ATG7: variants seen among roughly 807,000 people sequenced by gnomAD.
ATG7 encodes the protein ubiquitin-like modifier-activating enzyme ATG7.
Under a neutral mutation model 82.4 loss-of-function variants are expected in ATG7, and 70 were observed. The ratio of observed to expected loss-of-function variants is 0.85; its 90% CI spans 0.70 to 1.04. The LOEUF is 1.04. ATG7 is among the 50% of genes least tolerant of loss of function. ATG7 has a pLI of 0.00. For synonymous variants in ATG7, 287 were observed against 313.0 expected, an observed-to-expected ratio of 0.92 and a Z score of 0.88; for missense variants, 792 against 864.3, an observed-to-expected ratio of 0.92 and a Z score of 1.05.
At chr3:11,398,085 A>C (rs1338778640) in intron 19 of ATG7, among the ~76,000 whole-genome samples, 1 of 121,240 alleles carries the variant, frequency 8.2e-6, no homozygotes, top group Non-Finnish European at 1.6e-5. Context: ...CTCTGTCTCC[A>C]AAAAAAAAAA....
At chr3:11,445,312 T>C (rs1048465907) in intron 20 of ATG7, among the ~76,000 whole-genome samples, 1 of 152,162 alleles carries the variant, frequency 6.6e-6, no homozygotes, top group Non-Finnish European at 1.5e-5. Context: ...TAAATGCCCA[T>C]CAGTGGTAGA....
intron 3 of ATG7, among the ~76,000 whole-genome samples, chr3:11,288,141 C>G (rs1454680845): frequency 6.6e-6 from 1 of 152,222 alleles, no homozygotes; most frequent in African/African-American, 2.4e-5. Context: ...CTGCCTGATA[C>G]AGCAATCCTT....
intron 3 of ATG7, among the ~76,000 whole-genome samples, chr3:11,293,855 G>GAA (rs58019345): frequency 1.5e-5 from 2 of 132,568 alleles, no homozygotes; most frequent in East Asian, 2.2e-4. Flanking sequence ...CGTATCGAGA[G>GAA]AAAAAAAAAA....
intron 19 of ATG7, among the ~76,000 whole-genome samples, chr3:11,420,380 A>T (rs1321889293): frequency 6.6e-6 from 1 of 151,960 alleles, no homozygotes; most frequent in African/African-American, 2.4e-5. Context: ...CCTTGCTGTT[A>T]GTTTTTCCGT....
At chr3:11,352,042 C>T (rs2075594163) in intron 14 of ATG7, among the ~76,000 whole-genome samples, 1 of 149,460 alleles carries the variant, frequency 6.7e-6, no homozygotes, top group Non-Finnish European at 1.5e-5. Flanking sequence ...TGATGTTCCC[C>T]ATCCTGTGTC....
chr3:11,539,164 T>G (rs1265982822), intron 20 of ATG7, among the ~76,000 whole-genome samples: 1 of 152,162 alleles, frequency 6.6e-6, no homozygotes, highest in African/African-American at 2.4e-5. Flanking sequence ...ACAGATGATG[T>G]GTACCCTGCA....
intron 19 of ATG7, among the ~76,000 whole-genome samples, chr3:11,391,960 G>GT (rs1009375782): frequency 7.9e-5 from 11 of 139,338 alleles, no homozygotes; most frequent in Non-Finnish European, 1.2e-4. Context: ...GTACTTATTG[G>GT]GGGGGGGGTA....
At chr3:11,527,513 T>G (rs1377033688) in intron 20 of ATG7, among the ~76,000 whole-genome samples, 2 of 152,178 alleles carry the variant, frequency 1.3e-5, no homozygotes, top group South Asian at 4.1e-4. Context: ...TGGGAACTCA[T>G]GGGATATCAT....
At chr3:11,333,625 G>A (rs1319850725) in intron 11 of ATG7, among the ~76,000 whole-genome samples, 1 of 151,620 alleles carries the variant, frequency 6.6e-6, no homozygotes, top group Non-Finnish European at 1.5e-5. Context: ...TCTATAGAGA[G>A]ATATATGTGT....
intron 20 of ATG7, among the ~76,000 whole-genome samples, chr3:11,523,993 G>A (rs1271727324): frequency 1.3e-5 from 2 of 152,152 alleles, no homozygotes; most frequent in Non-Finnish European, 2.9e-5. Context: ...CACTAGCTGT[G>A]GGAACTCTGT....
intron 20 of ATG7, among the ~76,000 whole-genome samples, chr3:11,472,078 T>C (rs2087605488): frequency 6.6e-6 from 1 of 152,166 alleles, no homozygotes. Context: ...TACAAAATTA[T>C]TATATTAGTC....
At chr3:11,548,273 A>C (rs950807792) in intron 20 of ATG7, among the ~76,000 whole-genome samples, 9 of 152,122 alleles carry the variant, frequency 5.9e-5, no homozygotes. Flanking sequence ...TCCTGTCTTT[A>C]TATATTCTAG....
At chr3:11,483,374 C>T (rs1388575524) in intron 20 of ATG7, among the ~76,000 whole-genome samples, 3 of 152,154 alleles carry the variant, frequency 2.0e-5, no homozygotes, top group Non-Finnish European at 4.4e-5. Flanking sequence ...TTAGAATTGT[C>T]AGATATCCAC....
intron 20 of ATG7, among the ~76,000 whole-genome samples, chr3:11,521,474 C>G (rs947769899): frequency 2.6e-5 from 4 of 152,064 alleles, no homozygotes; most frequent in Non-Finnish European, 4.4e-5. Flanking sequence ...AAGGAGCAAG[C>G]CAAGCAAGGG....
rs755484197 is a variant in ATG7 at position 11,534,569 on chromosome 3, C to T, written c.2080-20242C>T. On this transcript the variant is annotated intron_variant, in intron 20 of 20. Coordinates refer to ENST00000693202, the MANE Select transcript of ATG7 (RefSeq NM_001349232.2). ...GTGCGTCCTTCATGCCGGGTGGCTACGTGCCGCCAGGCAGGGACTGCATAC... is the reference window on the plus strand; with the variant it reads ...GTGCGTCCTTCATGCCGGGTGGCTATGTGCCGCCAGGCAGGGACTGCATAC... Among the ~76,000 whole-genome samples the T allele has an allele frequency of 4.6e-5, 7 of 152,362 alleles. No individual in the cohort carries two copies. The East Asian group carries it at 5.8e-4, about 13-fold the overall frequency.
chr3:11,555,307 G>T lies in ATG7; in HGVS notation c.*464G>T. The T allele has an allele frequency of 6.1e-6, 1 of 162,946 alleles. No homozygotes were observed. Among genetic ancestry groups the T allele is most frequent in the South Asian group, 1.8e-4 (1 of 5,622 alleles). 10.1% of individuals were successfully genotyped at this position (162,946 alleles called of 1,614,324 possible). On this transcript the variant is annotated 3_prime_UTR_variant, in exon 21 of 21. Transcript: ENST00000693202. ...TGTGGGGGCCCTGGGCATGGGTGAG[G>T]GTGGGACCCCGTGAGCGCACTGCAC...
At chr3:11,306,365 A>G (rs1350120872) in intron 5 of ATG7, among the ~76,000 whole-genome samples, 2 of 152,210 alleles carry the variant, frequency 1.3e-5, no homozygotes, top group African/African-American at 2.4e-5. Context: ...TGAAAATGCT[A>G]GAAAATATTA....
downstream of ATG7, chr3:11,558,842 G>T: frequency 1.2e-6 from 2 of 1,608,502 alleles, no homozygotes; most frequent in South Asian, 1.1e-5. Context: ...AGGCAAGCAG[G>T]AAGGCAGGCA....
At chr3:11,449,569 T>C (rs1156547270) in intron 20 of ATG7, among the ~76,000 whole-genome samples, 1 of 152,170 alleles carries the variant, frequency 6.6e-6, no homozygotes. Context: ...GGAGTGATTC[T>C]AGAGAGAATG....
Sources: allele counts gnomAD v4.1 joint callset (sites outside exome capture counted in the v4.1 genomes callset), GRCh38; gene constraint gnomAD v4.1.1; transcripts MANE v1.5; gene names NCBI Gene and HGNC (gene_info 2026-07-23, HGNC 2026-07-21).